Variants in TRANK1 observed in about 807,000 individuals in gnomAD.
The protein encoded by TRANK1 is TPR and ankyrin repeat-containing protein 1.
A neutral mutation model predicts 266.0 loss-of-function variants in TRANK1; 198 were observed. The observed-to-expected ratio is 0.74, with a 90% confidence interval of 0.66 to 0.84. The LOEUF (loss-of-function observed/expected upper bound fraction) is 0.84, where lower values mean the gene tolerates loss of function less well. Ranked by LOEUF, TRANK1 falls within the 40% of genes least tolerant of loss-of-function variation. The probability of loss-of-function intolerance (pLI) is 0.00; values close to 1 mark genes in which losing one functional copy is unlikely to be tolerated. For missense variants in TRANK1, 3,326 were observed against 3,634.6 expected (o/e 0.92, Z 2.18); for synonymous variants, 1,396 against 1,384.1 (o/e 1.01, Z -0.19).
chr3:36,878,024 T>C (rs1044421946), intron 8 of TRANK1, among the ~76,000 whole-genome samples: 1 of 143,082 alleles, frequency 7.0e-6, no homozygotes, highest in Non-Finnish European at 1.5e-5. Flanking sequence ...ATAGTTTAGA[T>C]CAGGGGTCCC....
chr3:36,855,208 A>T lies in TRANK1; in HGVS notation c.4514T>A (p.Ile1505Asn). The T allele has an allele frequency of 6.2e-7, 1 of 1,613,358 alleles. No individual in the cohort carries two copies. The highest frequency in any genetic ancestry group is 8.5e-7 in the Non-Finnish European group (1 of 1,179,376). ...CCTGTAATTCTGGTACAGCTGGTGG[A>T]TCTTCTTGGGCTTCCGGACAGCACA... is the stretch of plus-strand genomic sequence containing the variant. ...KQCAVRKPKK[I>N]HQLYQNYRSH... The change falls in exon 13 of 24, where the codon ATC becomes AAC. Residue 1505 changes from isoleucine to asparagine, a missense_variant. By Grantham distance (149) the Ile-to-Asn change is moderately radical. Transcript: ENST00000645898.
rs2078684619 is a variant in TRANK1 at position 36,830,958 on chromosome 3, G to GCTGTGCTCCTTGGAGCCCACGTGA, written c.8601_8624dup (p.Val2869_His2876dup). The stretch of plus-strand genomic sequence containing the variant: ...GCTCCTGGACCTTCTGCAGCATGTG[G>GCTGTGCTCCTTGGAGCCCACGTGA]CTGTGCTCCTTGGAGCCCACGTGAC... On this transcript the variant is annotated inframe_insertion, in exon 22 of 24. Transcript: ENST00000645898. The GCTGTGCTCCTTGGAGCCCACGTGA allele has an allele frequency of 6.2e-7, 1 of 1,613,824 alleles. No homozygotes were observed. Among genetic ancestry groups the GCTGTGCTCCTTGGAGCCCACGTGA allele is most frequent in the African/African-American group, 1.3e-5 (1 of 74,904 alleles).
intron 9 of TRANK1, among the ~76,000 whole-genome samples, chr3:36,864,803 A>C (rs1403527464): frequency 6.6e-6 from 1 of 152,176 alleles, no homozygotes; most frequent in Non-Finnish European, 1.5e-5. Context: ...AGGCTAGCCT[A>C]CTGAGAGATA....
chr3:36,872,342 C>G (rs1267570170), intron 9 of TRANK1, among the ~76,000 whole-genome samples: 2 of 152,000 alleles, frequency 1.3e-5, no homozygotes, highest in Non-Finnish European at 2.9e-5. Context: ...TGGGAGGTTG[C>G]AATGAGCTGA....
At position 36,832,705 on chromosome 3, in the gene TRANK1, A is replaced by C; in HGVS notation, c.6878T>G (p.Leu2293Arg). The change falls in exon 22 of 24, where the codon CTC becomes CGC. Residue 2293 changes from leucine (L) to arginine (R), a missense_variant. Physicochemically the swap from Leu to Arg is moderately radical, Grantham distance 102. Transcript: ENST00000645898. ...SENPMACKEILKPNYKSFRFY... is the reference protein window; with the variant it reads ...SENPMACKEIRKPNYKSFRFY... ...CCGGAAGGATTTGTAATTTGGTTTG[A>C]GGATTTCTTTGCATGCCATGGGGTT... 1 of 1,614,032 alleles carries C rather than the reference A, an allele frequency of 6.2e-7. No homozygotes were observed. The highest frequency in any genetic ancestry group is 1.7e-5 in the Admixed American group (1 of 60,020).
In TRANK1 at chr3:36,861,172, A is replaced by G. The variant is rs1446390939; in HGVS notation, c.1241-12T>C. Reference sequence around the variant, plus strand: ...GTCAGGAGGAATTTCTTTCAAAAATAAGAGTAAGACACATTCCAAAAATGT... The same window carrying G: ...GTCAGGAGGAATTTCTTTCAAAAATGAGAGTAAGACACATTCCAAAAATGT... On this transcript the variant is annotated splice_polypyrimidine_tract_variant and intron_variant, in intron 10 of 23. Transcript: ENST00000645898. 4.6e-6 allele frequency: 7 copies of G among 1,535,560 alleles called. No individual in the cohort carries two copies. The highest frequency in any genetic ancestry group is 6.1e-6 in the Non-Finnish European group (7 of 1,145,888).
In TRANK1 at chr3:36,855,532, A is replaced by C. The variant is rs1286317729; in HGVS notation, c.4190T>G (p.Leu1397Arg). The C allele has an allele frequency of 2.5e-6, 4 of 1,613,858 alleles. No homozygotes were observed. The Admixed American group carries it at 6.7e-5, about 27-fold the overall frequency. Residue 1397 changes from leucine to arginine, a missense_variant, in exon 13 of 24, where the codon CTG (leucine) becomes CGG (arginine). Coordinates refer to ENST00000645898, the MANE Select transcript of TRANK1 (RefSeq NM_001329998.2). ...TTTCTGGGACCTGATTTGCTGATACAGACTGAAGAGGCTGTAGATCTCACT... is the reference window on the plus strand; with the variant it reads ...TTTCTGGGACCTGATTTGCTGATACCGACTGAAGAGGCTGTAGATCTCACT... ...DRSEIYSLFS[L>R]YQQIRSQKGY...
Position 36,830,873 on chromosome 3 carries a change from C to T in TRANK1, c.8710G>A (p.Ala2904Thr), listed in dbSNP as rs539421482. ...DLYRRKAWAG[A>T]EEAMTRLVNI... ...GGCCCCCATCTCTGCAGACCCTTAC[C>T]GCCAGCCCAGGCCTTCCGCCTGTAG... The change falls in exon 22 of 24, where the codon GCG (alanine) becomes ACG (threonine). Residue 2904 changes from alanine to threonine, a missense_variant and splice_region_variant. Physicochemically the swap from Ala to Thr is moderately conservative, Grantham distance 58. Coordinates refer to ENST00000645898, the MANE Select transcript of TRANK1 (RefSeq NM_001329998.2). 5.6e-6 allele frequency: 9 copies of T among 1,596,550 alleles called. No individual in the cohort carries two copies. Among genetic ancestry groups the T allele is most frequent in the Non-Finnish European group, 7.7e-6 (9 of 1,168,966 alleles).
chr3:36,843,661 T>G (rs1484889932), intron 17 of TRANK1, among the ~76,000 whole-genome samples: 1 of 148,566 alleles, frequency 6.7e-6, no homozygotes, highest in Non-Finnish European at 1.5e-5. Flanking sequence ...CACAGATTCA[T>G]GAAACACACA....
chr3:36,850,001 C>T (rs1312646609), intron 15 of TRANK1: 1 of 985,032 alleles, frequency 1.0e-6, no homozygotes, highest in Non-Finnish European at 1.2e-6. Flanking sequence ...TTGGCCACTT[C>T]CAGGATCAAG....
chr3:36,844,999 T>A (rs997733553), intron 17 of TRANK1, among the ~76,000 whole-genome samples: 1 of 151,786 alleles, frequency 6.6e-6, no homozygotes, highest in African/African-American at 2.4e-5. Context: ...AGTTATCGTA[T>A]CAGGAGAACT....
At chr3:36,876,402 T>C (rs947813469) in intron 8 of TRANK1, among the ~76,000 whole-genome samples, 2 of 152,266 alleles carry the variant, frequency 1.3e-5, no homozygotes, top group African/African-American at 4.8e-5. Context: ...CATTCCATTC[T>C]TCTGGCTCTA....
At chr3:36,907,459 A>ATTTTTTTTTTTTTTTTTTT (rs1212991729) in intron 2 of TRANK1, among the ~76,000 whole-genome samples, 1 of 104,350 alleles carries the variant, frequency 9.6e-6, no homozygotes. Flanking sequence ...AAATTTATTG[A>ATTTTTTTTTTTTTTTTTTT]TTTTTTTTTT....
At chr3:36,884,438 T>G (rs1202996184) in intron 8 of TRANK1, among the ~76,000 whole-genome samples, 1 of 152,136 alleles carries the variant, frequency 6.6e-6, no homozygotes, top group Admixed American at 6.6e-5. Flanking sequence ...AAGGAAGTGC[T>G]CAAGGGGACT....
chr3:36,850,673 G>A lies in TRANK1; in HGVS notation c.4887+1046C>T, dbSNP rs72861153. 2.5e-3 allele frequency: 2,216 copies of A among 899,840 alleles called. 31 individuals are homozygous for A. The African/African-American group carries it at 0.036, about 15-fold the overall frequency. 55.7% of individuals were successfully genotyped at this position (899,840 alleles called of 1,614,324 possible). The stretch of plus-strand genomic sequence containing the variant: ...AAATACATATAACCTCAGAGGGTTG[G>A]TGGAGTGAGACAATGACTTCAAAAA... On this transcript the variant is annotated intron_variant, in intron 15 of 23. Transcript: ENST00000645898.
rs142931151 is a variant in TRANK1 at position 36,859,416 on chromosome 3, G to A, written c.1496-522C>T. ...GTATTTCTCCTAATGCTATCCCTCC[G>A]CTAACCCCCCACCTCCTGACAGGCC... On this transcript the variant is annotated intron_variant, in intron 11 of 23. Coordinates refer to ENST00000645898, the MANE Select transcript of TRANK1 (RefSeq NM_001329998.2). Among the ~76,000 whole-genome samples the A allele has an allele frequency of 4.3e-3, 650 of 151,738 alleles. 1 individual carries two copies. The highest frequency in any genetic ancestry group is 0.01 in the Middle Eastern group (3 of 294).
intron 1 of TRANK1, among the ~76,000 whole-genome samples, chr3:36,916,392 C>T (rs912382852): frequency 6.6e-6 from 1 of 152,110 alleles, no homozygotes; most frequent in East Asian, 1.9e-4. Flanking sequence ...GGTGAAACTC[C>T]GTCTCTCCTA....
chr3:36,849,080 G>A (rs919003769), intron 15 of TRANK1, among the ~76,000 whole-genome samples: 1 of 152,128 alleles, frequency 6.6e-6, no homozygotes, highest in Non-Finnish European at 1.5e-5. Flanking sequence ...AAAATTTAAA[G>A]TCTTCCAGTT....
intron 1 of TRANK1, among the ~76,000 whole-genome samples, chr3:36,941,125 A>T (rs1451069402): frequency 6.6e-6 from 1 of 152,182 alleles, no homozygotes; most frequent in Admixed American, 6.5e-5. Flanking sequence ...CACCCAATAT[A>T]GTGCTATAAT....
Sources: allele counts gnomAD v4.1 joint callset (sites outside exome capture counted in the v4.1 genomes callset), GRCh38; gene constraint gnomAD v4.1.1; transcripts MANE v1.5; gene names NCBI Gene and HGNC (gene_info 2026-07-23, HGNC 2026-07-21).